VCPKMT: variants seen among roughly 807,000 people sequenced by gnomAD.
VCPKMT encodes protein N-lysine methyltransferase METTL21D.
A neutral mutation model predicts 28.6 loss-of-function variants in VCPKMT; 32 were observed. The ratio of observed to expected loss-of-function variants is 1.12; its 90% CI spans 0.84 to 1.50. VCPKMT has a LOEUF of 1.50. Ranked by LOEUF, VCPKMT falls within the 40% of genes most tolerant of loss-of-function variation. The pLI, the probability that VCPKMT is intolerant of heterozygous loss-of-function variation, is 0.00. For missense variants in VCPKMT, 366 were observed against 285.0 expected, an observed-to-expected ratio of 1.28 and a Z score of -2.05; for synonymous variants, 138 against 111.4, an observed-to-expected ratio of 1.24 and a Z score of -1.50.
At chr14:50,110,529 G>C (rs955686649) in intron 5 of VCPKMT, among the ~76,000 whole-genome samples, 4 of 152,198 alleles carry the variant, frequency 2.6e-5, no homozygotes, top group Admixed American at 2.6e-4. Flanking sequence ...TACCCAGTGA[G>C]ATGGGTATAA....
chr14:50,114,990 G>A (rs925050729), intron 3 of VCPKMT, among the ~76,000 whole-genome samples: 1 of 152,084 alleles, frequency 6.6e-6, no homozygotes, highest in African/African-American at 2.4e-5. Flanking sequence ...GAAACAAATG[G>A]AATCAACCTT....
chr14:50,111,012 G>T, intron 5 of VCPKMT: 1 of 297,244 alleles, frequency 3.4e-6, no homozygotes, highest in Non-Finnish European at 5.0e-6. Context: ...GGGAGTGACT[G>T]CTAATGGGTA....
chr14:50,111,509 G>A (rs764881472), intron 5 of VCPKMT: 89 of 985,240 alleles, frequency 9.0e-5, no homozygotes, highest in Non-Finnish European at 9.4e-5. Flanking sequence ...ATTGAATCTA[G>A]CATCCTTAAT....
chr14:50,106,848 G>T (rs1882339187), downstream of VCPKMT, among the ~76,000 whole-genome samples: 1 of 152,054 alleles, frequency 6.6e-6, no homozygotes, highest in Admixed American at 6.5e-5. Flanking sequence ...TCCCTAGTAT[G>T]GATGGGACTA....
chr14:50,106,236 C>A (rs908964993), downstream of VCPKMT, among the ~76,000 whole-genome samples: 3 of 152,176 alleles, frequency 2.0e-5, no homozygotes, highest in African/African-American at 7.2e-5. Context: ...TTTTAATTTT[C>A]CACGTGCAGC....
intron 5 of VCPKMT, chr14:50,111,728 A>G (rs974898456): frequency 1.3e-5 from 9 of 706,178 alleles, no homozygotes; most frequent in Non-Finnish European, 1.6e-5. Context: ...AACAAAAAAA[A>G]TACAAAAATT....
intron 5 of VCPKMT, 78 bp from the exon 6 acceptor site, chr14:50,109,791 G>A: frequency 6.8e-7 from 1 of 1,477,916 alleles, no homozygotes; most frequent in Non-Finnish European, 9.1e-7. Flanking sequence ...TGCCTAATAT[G>A]CCTCATAATG....
chr14:50,114,973 C>T (rs1883001735), intron 3 of VCPKMT, among the ~76,000 whole-genome samples: 1 of 152,106 alleles, frequency 6.6e-6, no homozygotes, highest in Admixed American at 6.6e-5. Context: ...TTTTGGAGTT[C>T]TCATGGGAAA....
chr14:50,111,099 C>T, intron 5 of VCPKMT: 1 of 842,472 alleles, frequency 1.2e-6, no homozygotes. Context: ...ATACTAAAAA[C>T]CACCAAATTG....
downstream of VCPKMT, among the ~76,000 whole-genome samples, chr14:50,106,911 G>A (rs182028582): frequency 6.7e-4 from 102 of 152,264 alleles, 2 homozygotes; most frequent in Admixed American, 1.6e-3. Flanking sequence ...GTAGAAACAG[G>A]GTCTTGCTAT....
Position 50,108,749 on chromosome 14 carries a change from CT to C in VCPKMT, c.*949del. On this transcript the variant is annotated 3_prime_UTR_variant, in exon 6 of 6. Coordinates refer to ENST00000395860, the MANE Select transcript of VCPKMT (RefSeq NM_024558.3). ...CTTTGGAACAAGTATGATTAAAGTCCTTGACAGATTATTGTATATGAGCGAA... is the reference window on the plus strand; with the variant it reads ...CTTTGGAACAAGTATGATTAAAGTCCTGACAGATTATTGTATATGAGCGAA... 3 of 985,738 alleles carry C rather than the reference CT, an allele frequency of 3.0e-6. No homozygotes were observed. The highest frequency in any genetic ancestry group is 3.6e-6 in the Non-Finnish European group (3 of 829,918). The allele number at this position is 985,738 out of a possible 1,614,324, so 61.1% of individuals were successfully genotyped here.
Position 50,116,539 on chromosome 14 carries a change from A to T in VCPKMT, c.14T>A (p.Leu5Gln). 1 of 1,610,308 alleles carries T rather than the reference A, an allele frequency of 6.2e-7. No homozygotes were observed. The highest frequency in any genetic ancestry group is 8.5e-7 in the Non-Finnish European group (1 of 1,178,010). The change falls in exon 1 of 6, where the codon CTG (leucine) becomes CAG (glutamine). Residue 5 changes from leucine to glutamine, a missense_variant. By Grantham distance (113) the Leu-to-Gln change is moderately radical. Transcript: ENST00000395860. ...CAGTGGGTCCTCCAGCGAGGACTCC[A>T]GCGTATCCGCCATTGCGCCCGGCAA... The part of the protein sequence containing the change: MADT[L>Q]ESSLEDPLRS...
At chr14:50,110,359 T>C (rs4255695) in intron 5 of VCPKMT, among the ~76,000 whole-genome samples, 132,046 of 152,258 alleles carry the variant, frequency 0.87, 57,351 homozygotes, top group East Asian at 0.92. Flanking sequence ...CATCTGTAAG[T>C]GTTTAGTATT....
At chr14:50,111,634 T>A in intron 5 of VCPKMT, 1 of 985,002 alleles carries the variant, frequency 1.0e-6, no homozygotes, top group Non-Finnish European at 1.2e-6. Flanking sequence ...TCCCAACAAT[T>A]TGGGAGGCCG....
At chr14:50,107,798 G>A (rs923593857), downstream of VCPKMT, among the ~76,000 whole-genome samples, 1 of 152,120 alleles carries the variant, frequency 6.6e-6, no homozygotes, top group South Asian at 2.1e-4. Context: ...ACTCCTCCAG[G>A]AAATTAGTGA....
chr14:50,113,945 T>C lies in VCPKMT; in HGVS notation c.570+340A>G, dbSNP rs955606671. Among the ~76,000 whole-genome samples, 3 of 125,530 alleles carry C rather than the reference T, an allele frequency of 2.4e-5. No individual in the cohort carries two copies. The East Asian group carries it at 6.9e-4, about 29-fold the overall frequency. The allele number at this position is 125,530 out of a possible 152,430, so 82.4% of individuals were successfully genotyped here. On this transcript the variant is annotated intron_variant, in intron 4 of 5. Coordinates refer to ENST00000395860, the MANE Select transcript of VCPKMT (RefSeq NM_024558.3). ...CAAAAACAACTTATCACCTGCACAT[T>C]TCTATCACGTATTCTCCAAAGGTAA... is the stretch of plus-strand genomic sequence containing the variant.
At position 50,114,669 on chromosome 14, in the gene VCPKMT, A is replaced by AC. The variant is rs1490717108; in HGVS notation, c.451-266dup. Among the ~76,000 whole-genome samples, 6 of 151,980 alleles carry AC rather than the reference A, an allele frequency of 3.9e-5. No homozygotes were observed. The South Asian group carries it at 1.2e-3, about 32-fold the overall frequency. The stretch of plus-strand genomic sequence containing the variant: ...TGGAGAATACAGCGAGAGACAAACC[A>AC]CCCCCCGCAACACCTTACAAAAAAT... On this transcript the variant is annotated intron_variant, in intron 3 of 5. Transcript: ENST00000395860.
chr14:50,113,077 C>A lies in VCPKMT; in HGVS notation c.571-358G>T, dbSNP rs113707909. On this transcript the variant is annotated intron_variant, in intron 4 of 5. Transcript: ENST00000395860. ...CTGGGATTACAGGCGTGAGCCACCG[C>A]GCCTGGTCAGTGGTTACCTTTTGAG... Among the ~76,000 whole-genome samples the A allele has an allele frequency of 9.5e-3, 1,446 of 152,258 alleles. 21 individuals carry two copies. Among genetic ancestry groups the A allele is most frequent in the African/African-American group, 0.033 (1,378 of 41,548 alleles).
At chr14:50,111,983 T>C (rs1882691343) in intron 5 of VCPKMT, 2 of 985,276 alleles carry the variant, frequency 2.0e-6, no homozygotes, top group Non-Finnish European at 2.4e-6. Context: ...GTGATTGTTA[T>C]ACAGGGTAAA....
Sources: gnomAD v4.1 joint callset for allele counts (sites outside exome capture counted in the v4.1 genomes callset) on GRCh38, gnomAD v4.1.1 for gene constraint, MANE v1.5 for transcripts, NCBI Gene and HGNC (gene_info 2026-07-23, HGNC 2026-07-21) for gene names.